The following EYS variants were observed in gnomAD, a reference collection of about 807,000 sequenced individuals.
EYS encodes EGF-like photoreceptor maintenance factor, also known as protein eyes shut homolog.
EYS carries 250 observed loss-of-function variants against 282.1 expected under a neutral mutation model. The observed-to-expected ratio is 0.89, with a 90% CI of 0.80 to 0.98. EYS has a LOEUF of 0.98. EYS is among the 50% of genes least tolerant of loss of function. The probability of loss-of-function intolerance (pLI) is 0.00; values close to 1 mark genes in which losing one functional copy is unlikely to be tolerated. For missense variants in EYS, 4,016 were observed against 3,709.0 expected (o/e 1.08, Z -2.15); for synonymous variants, 1,355 against 1,282.9 (o/e 1.06, Z -1.20).
At chr6:64,346,889 T>C (rs1238787781) in intron 29 of EYS, among the ~76,000 whole-genome samples, 5 of 151,442 alleles carry the variant, frequency 3.3e-5, no homozygotes, top group Non-Finnish European at 7.4e-5. Context: ...AAATTTTGAT[T>C]ATATGTATCA....
intron 35 of EYS, among the ~76,000 whole-genome samples, chr6:63,932,894 C>G (rs1445690656): frequency 6.6e-6 from 1 of 152,256 alleles, no homozygotes; most frequent in Non-Finnish European, 1.5e-5. Flanking sequence ...AGATGCCAGT[C>G]ACAAGCACAG....
At chr6:65,285,713 T>C (rs1193161667) in intron 12 of EYS, among the ~76,000 whole-genome samples, 1 of 151,992 alleles carries the variant, frequency 6.6e-6, no homozygotes. Context: ...TATTAAATGA[T>C]AGAAAATGTC....
chr6:63,972,617 T>C (rs913233105), intron 35 of EYS, among the ~76,000 whole-genome samples: 11 of 152,154 alleles, frequency 7.2e-5, no homozygotes, highest in African/African-American at 2.7e-4. Context: ...GGTATACATG[T>C]GCCATGGTGG....
chr6:64,566,483 C>A (rs1436492138), intron 26 of EYS, among the ~76,000 whole-genome samples: 2 of 152,086 alleles, frequency 1.3e-5, no homozygotes, highest in Non-Finnish European at 2.9e-5. Flanking sequence ...TTCAGCAAAT[C>A]TGGATAAAAT....
At chr6:64,195,736 A>C (rs987278994) in intron 31 of EYS, among the ~76,000 whole-genome samples, 5 of 152,188 alleles carry the variant, frequency 3.3e-5, no homozygotes, top group African/African-American at 1.2e-4. Context: ...TTTCAAATTT[A>C]ATTGATCATT....
At chr6:64,743,908 T>C (rs892294543) in intron 22 of EYS, among the ~76,000 whole-genome samples, 1 of 152,106 alleles carries the variant, frequency 6.6e-6, no homozygotes, top group African/African-American at 2.4e-5. Context: ...GCTATCAAAC[T>C]TTAGTGATTG....
chr6:65,267,135 C>A (rs1260534897), intron 12 of EYS, among the ~76,000 whole-genome samples: 1 of 151,350 alleles, frequency 6.6e-6, no homozygotes, highest in Non-Finnish European at 1.5e-5. Context: ...CATGTGTGAT[C>A]CTGAAGAGAT....
chr6:64,925,047 T>G (rs1768471916), intron 15 of EYS, among the ~76,000 whole-genome samples: 1 of 152,212 alleles, frequency 6.6e-6, no homozygotes, highest in Non-Finnish European at 1.5e-5. Context: ...TTCATGCTGC[T>G]GATAAAGATA....
intron 41 of EYS, among the ~76,000 whole-genome samples, chr6:63,735,835 C>G (rs1285111542): frequency 1.3e-5 from 2 of 152,100 alleles, no homozygotes; most frequent in East Asian, 1.9e-4. Flanking sequence ...GTTCCTCTTA[C>G]TGTTTTCCAT....
intron 33 of EYS, among the ~76,000 whole-genome samples, chr6:64,049,114 T>C (rs766456044): frequency 6.6e-6 from 1 of 152,206 alleles, no homozygotes; most frequent in Non-Finnish European, 1.5e-5. Context: ...AGTATTTAGC[T>C]GAATGGTAAG....
intron 1 of EYS, among the ~76,000 whole-genome samples, chr6:65,705,192 T>C (rs988303476): frequency 6.6e-6 from 1 of 152,204 alleles, no homozygotes; most frequent in Non-Finnish European, 1.5e-5. Context: ...ATTAAGTGGT[T>C]AGCTCCTGAC....
intron 35 of EYS, among the ~76,000 whole-genome samples, chr6:63,906,613 G>A (rs1466108871): frequency 6.6e-6 from 1 of 152,072 alleles, no homozygotes; most frequent in African/African-American, 2.4e-5. Context: ...CTTTTGAAAA[G>A]CTTTTAGTTC....
intron 22 of EYS, among the ~76,000 whole-genome samples, chr6:64,663,065 A>G (rs570519974): frequency 6.6e-6 from 1 of 152,122 alleles, no homozygotes; most frequent in East Asian, 1.9e-4. Context: ...GAAGAGGGCT[A>G]GATTTTTAAA....
At chr6:64,772,039 A>G (rs886078144) in intron 22 of EYS, among the ~76,000 whole-genome samples, 11 of 151,766 alleles carry the variant, frequency 7.2e-5, no homozygotes, top group African/African-American at 2.7e-4. Flanking sequence ...TGTTTCATTT[A>G]GTAGTTTTTC....
In EYS at chr6:64,909,693, T is replaced by C. The variant is rs1767934155; in HGVS notation, c.2641+2791A>G. On this transcript the variant is annotated intron_variant, in intron 16 of 42. Transcript: ENST00000503581. ...TCACAAAGCAGGATCACAATAGTTC[T>C]GGTGCTTAACTATACCGATAATTTT... Among the ~76,000 whole-genome samples the C allele has an allele frequency of 2.0e-5, 3 of 152,182 alleles. No individual in the cohort carries two copies. In the South Asian group the frequency reaches 6.2e-4, roughly 32 times the overall value.
At chr6:64,141,466 A>T (rs1209320486) in intron 31 of EYS, among the ~76,000 whole-genome samples, 1 of 152,190 alleles carries the variant, frequency 6.6e-6, no homozygotes, top group African/African-American at 2.4e-5. Flanking sequence ...AACAAAGACC[A>T]TGTGTCAGAA....
chr6:63,850,059 G>C (rs942816309), intron 36 of EYS, among the ~76,000 whole-genome samples: 27 of 152,114 alleles, frequency 1.8e-4, no homozygotes, highest in Admixed American at 1.6e-3. Context: ...AATTGATCAA[G>C]TGGAAGAAAG....
At chr6:64,195,371 C>T (rs1413536428) in intron 31 of EYS, among the ~76,000 whole-genome samples, 1 of 152,158 alleles carries the variant, frequency 6.6e-6, no homozygotes, top group Non-Finnish European at 1.5e-5. Context: ...GGCACGATCT[C>T]AGGTCACTGC....
chr6:65,061,646 A>T (rs1404075393), intron 12 of EYS, among the ~76,000 whole-genome samples: 1 of 151,886 alleles, frequency 6.6e-6, no homozygotes, highest in African/African-American at 2.4e-5. Flanking sequence ...CACCTAACAC[A>T]CACACATACA....
Sources: gnomAD v4.1 joint callset for allele counts (sites outside exome capture counted in the v4.1 genomes callset) on GRCh38, gnomAD v4.1.1 for gene constraint, MANE v1.5 for transcripts, NCBI Gene and HGNC (gene_info 2026-07-23, HGNC 2026-07-21) for gene names.